The following NFIA variants were observed in gnomAD, a reference collection of about 807,000 sequenced individuals.
NFIA encodes nuclear factor I A.
In NFIA, 8 loss-of-function variants were observed where a neutral mutation model predicts 62.8. The ratio of observed to expected loss-of-function variants is 0.13; its 90% confidence interval spans 0.07 to 0.23. The LOEUF (loss-of-function observed/expected upper bound fraction) is 0.23. Among genes scored for constraint, NFIA ranks in the 10% least tolerant of loss-of-function variants. The pLI is 1.00. For synonymous variants in NFIA, 235 were observed against 238.1 expected (o/e 0.99, Z 0.12); for missense variants, 410 against 642.1 (o/e 0.64, Z 3.91).
chr1:61,268,716 A>T (rs749373569), intron 2 of NFIA, among the ~76,000 whole-genome samples: 6 of 152,168 alleles, frequency 3.9e-5, no homozygotes, highest in Non-Finnish European at 8.8e-5. Flanking sequence ...TAAGCACAGA[A>T]ATTGAGAGCC....
intron 2 of NFIA, among the ~76,000 whole-genome samples, chr1:61,163,037 A>G (rs1186919802): frequency 1.3e-5 from 2 of 152,214 alleles, no homozygotes; most frequent in African/African-American, 2.4e-5. Flanking sequence ...AGCTTTGGAA[A>G]TGAGTCACTT....
At chr1:61,257,861 G>GTTTTTTTTTTTTTTTTTTTTT (rs58077067) in intron 2 of NFIA, among the ~76,000 whole-genome samples, 4 of 126,426 alleles carry the variant, frequency 3.2e-5, no homozygotes, top group Non-Finnish European at 3.3e-5. Flanking sequence ...ATGCTTAGCT[G>GTTTTTTTTTTTTTTTTTTTTT]TTTTTTTTTT....
chr1:61,180,259 T>C (rs895458692), intron 2 of NFIA, among the ~76,000 whole-genome samples: 1 of 152,166 alleles, frequency 6.6e-6, no homozygotes, highest in African/African-American at 2.4e-5. Context: ...ACTCATACTT[T>C]GATTTTGTGG....
At chr1:61,376,000 A>G (rs1664133407) in intron 6 of NFIA, among the ~76,000 whole-genome samples, 1 of 151,926 alleles carries the variant, frequency 6.6e-6, no homozygotes, top group Non-Finnish European at 1.5e-5. Flanking sequence ...AATCCAGTGG[A>G]CCCTTTTCTG....
chr1:61,220,512 A>G (rs1044786121), intron 2 of NFIA, among the ~76,000 whole-genome samples: 1 of 152,242 alleles, frequency 6.6e-6, no homozygotes, highest in Non-Finnish European at 1.5e-5. Context: ...CAGTATAGTT[A>G]AAAGAAATTA....
chr1:61,204,047 G>A (rs774336045), intron 2 of NFIA, among the ~76,000 whole-genome samples: 21 of 152,176 alleles, frequency 1.4e-4, no homozygotes, highest in East Asian at 3.9e-4. Flanking sequence ...TGTGACTTCC[G>A]TTTCTGTAAA....
intron 3 of NFIA, among the ~76,000 whole-genome samples, chr1:61,320,486 G>C (rs1343637647): frequency 6.6e-6 from 1 of 152,128 alleles, no homozygotes; most frequent in Non-Finnish European, 1.5e-5. Flanking sequence ...ACATTAGCTA[G>C]TTTTATTTTA....
chr1:61,225,529 G>A (rs1557647611), intron 2 of NFIA, among the ~76,000 whole-genome samples: 1 of 150,068 alleles, frequency 6.7e-6, no homozygotes, highest in Admixed American at 6.7e-5. Flanking sequence ...CATTACAGCT[G>A]TGAGCCATCG....
intron 2 of NFIA, among the ~76,000 whole-genome samples, chr1:61,252,402 A>T (rs1227503382): frequency 6.6e-6 from 1 of 152,200 alleles, no homozygotes; most frequent in Non-Finnish European, 1.5e-5. Flanking sequence ...AATTAAATTT[A>T]TGTGAACCAA....
chr1:61,343,057 G>A (rs184236300), intron 4 of NFIA, among the ~76,000 whole-genome samples: 10 of 152,254 alleles, frequency 6.6e-5, no homozygotes, highest in East Asian at 5.8e-4. Context: ...TAACAAGCTC[G>A]TGTAATTTTA....
chr1:61,209,121 G>T (rs1002847676), intron 2 of NFIA, among the ~76,000 whole-genome samples: 1 of 148,584 alleles, frequency 6.7e-6, no homozygotes, highest in Non-Finnish European at 1.5e-5. Flanking sequence ...CAAGAGTTTT[G>T]TTTTTTTTTT....
intron 3 of NFIA, among the ~76,000 whole-genome samples, chr1:61,284,004 C>T (rs1047522902): frequency 2.6e-5 from 4 of 152,170 alleles, no homozygotes; most frequent in African/African-American, 9.7e-5. Flanking sequence ...GCACCATTGA[C>T]TTGTAAATGC....
Position 61,278,147 on chromosome 1 carries a change from G to A in NFIA, c.625+562G>A, listed in dbSNP as rs1657924959. On this transcript the variant is annotated intron_variant, in intron 3 of 10. Transcript: ENST00000403491. ...CAGGGCAGCATTAAATTCCACTGCT[G>A]CATAAATATCTAAATTTTCTGTTGC... is the stretch of plus-strand genomic sequence containing the variant. Among the ~76,000 whole-genome samples, 3 of 152,092 alleles carry A rather than the reference G, an allele frequency of 2.0e-5. 1 individual carries two copies. The highest frequency in any genetic ancestry group is 2.0e-4 in the Admixed American group (3 of 15,256).
At chr1:61,420,470 C>T (rs1461027726) in intron 9 of NFIA, among the ~76,000 whole-genome samples, 1 of 151,790 alleles carries the variant, frequency 6.6e-6, no homozygotes, top group Non-Finnish European at 1.5e-5. Context: ...CAGTTTGCAA[C>T]TGAATGCTTC....
intron 10 of NFIA, among the ~76,000 whole-genome samples, chr1:61,441,712 T>C (rs1234871200): frequency 6.6e-6 from 1 of 152,192 alleles, no homozygotes; most frequent in Non-Finnish European, 1.5e-5. Flanking sequence ...ATTTCACATC[T>C]TATAATGATT....
chr1:61,297,742 A>T (rs1659263939), intron 3 of NFIA, among the ~76,000 whole-genome samples: 1 of 152,190 alleles, frequency 6.6e-6, no homozygotes, highest in Non-Finnish European at 1.5e-5. Flanking sequence ...AATGCAGGGT[A>T]AATATGCTAA....
rs1303184667 is a variant in NFIA at position 61,395,288 on chromosome 1, G to GTT, written c.1076-8802_1076-8801dup. Among the ~76,000 whole-genome samples, 347 of 135,664 alleles carry GTT rather than the reference G, an allele frequency of 2.6e-3. 1 individual carries two copies. The highest frequency in any genetic ancestry group is 7.9e-3 in the South Asian group (34 of 4,294). The allele number at this position is 135,664 out of a possible 152,430, so 89.0% of individuals were successfully genotyped here. A position where few individuals can be genotyped will look rare whatever the true frequency, so the allele number is the denominator to read the frequency against. On this transcript the variant is annotated intron_variant, in intron 7 of 10. Transcript: ENST00000403491. ...CTGCTTATTTTCTGTGTGTGTGTGT[G>GTT]TTTTTTTTTTTTTTTAATGCAGGAA...
chr1:61,373,229 T>C (rs1339409388), intron 6 of NFIA, among the ~76,000 whole-genome samples: 1 of 152,124 alleles, frequency 6.6e-6, no homozygotes, highest in African/African-American at 2.4e-5. Flanking sequence ...ATTTGTGGGA[T>C]GAACAGAGTG....
chr1:61,247,547 T>C (rs964749577), intron 2 of NFIA, among the ~76,000 whole-genome samples: 3 of 152,136 alleles, frequency 2.0e-5, no homozygotes, highest in Non-Finnish European at 4.4e-5. Flanking sequence ...CCTGGCACGG[T>C]CCATTGGGGG....
Sources: allele counts gnomAD v4.1 joint callset (sites outside exome capture counted in the v4.1 genomes callset), GRCh38; gene constraint gnomAD v4.1.1; transcripts MANE v1.5; gene names NCBI Gene and HGNC (gene_info 2026-07-23, HGNC 2026-07-21).